SIAE: variants seen among roughly 807,000 people sequenced by gnomAD.
SIAE encodes the protein sialate O-acetylesterase.
In SIAE, 39 loss-of-function variants were observed where a neutral mutation model predicts 52.6. The ratio of observed to expected loss-of-function variants is 0.74; its 90% CI spans 0.57 to 0.97. The LOEUF is 0.97. Ranked by LOEUF, SIAE falls within the 50% of genes least tolerant of loss-of-function variation. The pLI is 0.00. For missense variants in SIAE, 592 were observed against 662.1 expected (o/e 0.89, Z 1.16); for synonymous variants, 233 against 241.4 (o/e 0.97, Z 0.32).
chr11:124,650,398 G>C (rs1943000924), intron 4 of SIAE, among the ~76,000 whole-genome samples: 1 of 152,104 alleles, frequency 6.6e-6, no homozygotes, highest in Non-Finnish European at 1.5e-5. Flanking sequence ...CTCTGTGGAA[G>C]GGAAAAAGCA....
intron 2 of SIAE, among the ~76,000 whole-genome samples, chr11:124,665,499 G>T (rs1272849794): frequency 6.6e-6 from 1 of 152,204 alleles, no homozygotes; most frequent in African/African-American, 2.4e-5. Context: ...AGGTGGGAAC[G>T]CAGCCTGGCC....
intron 7 of SIAE, among the ~76,000 whole-genome samples, chr11:124,642,739 G>A (rs78597028): frequency 3.9e-5 from 6 of 152,234 alleles, no homozygotes; most frequent in African/African-American, 1.2e-4. Flanking sequence ...TATGGCAAAA[G>A]TGAAGGGATT....
intron 7 of SIAE, among the ~76,000 whole-genome samples, chr11:124,640,104 CTG>C (rs1591383425): frequency 1.3e-5 from 2 of 152,318 alleles, no homozygotes; most frequent in East Asian, 3.9e-4. Flanking sequence ...GCAGCGGGGT[CTG>C]TTTCTCTTCC....
At chr11:124,653,032 T>C (rs1478074951) in intron 4 of SIAE, among the ~76,000 whole-genome samples, 2 of 152,250 alleles carry the variant, frequency 1.3e-5, no homozygotes, top group African/African-American at 4.8e-5. Context: ...GAGTTTTGGA[T>C]ACCATGTAGT....
chr11:124,657,879 T>G lies in SIAE; in HGVS notation c.405+2749A>C, dbSNP rs200858649. ...AAAGAGATTGCAGGAAGATTTTCATTTAAATGACATTTGGTTTCCCTGCTG... is the reference window on the plus strand; with the variant it reads ...AAAGAGATTGCAGGAAGATTTTCATGTAAATGACATTTGGTTTCCCTGCTG... On this transcript the variant is annotated intron_variant, in intron 3 of 9. Coordinates refer to ENST00000263593, the MANE Select transcript of SIAE (RefSeq NM_170601.5). 6.6e-5 allele frequency among the ~76,000 whole-genome samples: 10 copies of G among 152,346 alleles called. No homozygotes were observed. In the East Asian group the frequency reaches 7.7e-4, roughly 12 times the overall value.
At chr11:124,652,073 T>C (rs1428595052) in intron 4 of SIAE, among the ~76,000 whole-genome samples, 1 of 151,984 alleles carries the variant, frequency 6.6e-6, no homozygotes, top group African/African-American at 2.4e-5. Context: ...GCAGAGATTA[T>C]AAAAGAGAAC....
At chr11:124,662,086 T>C (rs910129163) in intron 2 of SIAE, among the ~76,000 whole-genome samples, 1 of 152,252 alleles carries the variant, frequency 6.6e-6, no homozygotes, top group African/African-American at 2.4e-5. Context: ...CTTGCTCCTC[T>C]TAAAAGCATA....
chr11:124,635,651 T>C lies in SIAE; in HGVS notation c.*1300A>G, dbSNP rs1022138410. On this transcript the variant is annotated 3_prime_UTR_variant, in exon 10 of 10. Transcript: ENST00000263593. ...TATTTTTTACACTACGTAAAATACATTGTATATGTACAGTGAGTGATGCTT... is the reference window on the plus strand; with the variant it reads ...TATTTTTTACACTACGTAAAATACACTGTATATGTACAGTGAGTGATGCTT... 1.3e-5 allele frequency: 2 copies of C among 152,232 alleles called. No homozygotes were observed. The highest frequency in any genetic ancestry group is 2.9e-5 in the Non-Finnish European group (2 of 68,048). The allele number at this position is 152,232 out of a possible 1,614,324, so 9.4% of individuals were successfully genotyped here.
upstream of SIAE, chr11:124,674,347 C>A (rs1456512720): frequency 6.6e-6 from 1 of 152,200 alleles, no homozygotes; most frequent in Non-Finnish European, 1.5e-5. Context: ...AGGCCAGAGA[C>A]CCCCTCTCAA....
At chr11:124,675,503 CT>C (rs1318698236), upstream of SIAE, 2 of 1,448,898 alleles carry the variant, frequency 1.4e-6, no homozygotes, top group African/African-American at 1.4e-5. Flanking sequence ...CATCTCCATT[CT>C]GCAGAAAGCC....
At chr11:124,655,365 C>G (rs888579720) in intron 3 of SIAE, among the ~76,000 whole-genome samples, 4 of 152,110 alleles carry the variant, frequency 2.6e-5, no homozygotes, top group Non-Finnish European at 5.9e-5. Context: ...TTAGTAGAGA[C>G]GGGGTTTCAC....
At chr11:124,660,491 G>T in intron 3 of SIAE, 137 bp downstream of exon 3, 1 of 813,738 alleles carries the variant, frequency 1.2e-6, no homozygotes, top group Non-Finnish European at 2.1e-6. Flanking sequence ...TTCATTCAAA[G>T]CATTTAGAAC....
rs769393723 is a variant in SIAE at position 124,673,676 on chromosome 11, C to T, written c.33G>A (p.Val11=). The T allele has an allele frequency of 1.2e-6, 2 of 1,613,562 alleles. No individual in the cohort carries two copies. The highest frequency in any genetic ancestry group is 1.1e-5 in the South Asian group (1 of 91,068). The change falls in exon 1 of 10, where the codon GTG becomes GTA. Residue 11 remains valine, a synonymous_variant. Transcript: ENST00000263593. The stretch of plus-strand genomic sequence containing the variant: ...TGTCGGCCCACAGGATTAATGGCAG[C>T]ACCAGCCCGAGTACAAGCCCCGGCG... The part of the protein sequence containing the change: MVAPGLVLGL[V]LPLILWADRS...
intron 2 of SIAE, among the ~76,000 whole-genome samples, 197 bp from the exon 3 acceptor site, chr11:124,661,000 C>T (rs1727499901): frequency 6.6e-6 from 1 of 152,180 alleles, no homozygotes; most frequent in African/African-American, 2.4e-5. Context: ...ACCAATCCCT[C>T]CTTACTTTTA....
chr11:124,659,279 A>G (rs1471115180), intron 3 of SIAE: 1 of 152,236 alleles, frequency 6.6e-6, no homozygotes, highest in Non-Finnish European at 1.5e-5. Context: ...CAATTACAGC[A>G]TTAAGAAAAA....
chr11:124,637,235 G>C, intron 9 of SIAE, 33 bp from the exon 10 acceptor site: 1 of 1,613,708 alleles, frequency 6.2e-7, no homozygotes, highest in East Asian at 2.2e-5. Context: ...GGAATGATTA[G>C]GTCAGAAGGG....
At chr11:124,642,843 C>T (rs534701952) in intron 7 of SIAE, among the ~76,000 whole-genome samples, 2 of 152,154 alleles carry the variant, frequency 1.3e-5, no homozygotes, top group African/African-American at 2.4e-5. Context: ...CAGGTGAGTC[C>T]TTTCAAAGAG....
chr11:124,675,570 C>T (rs1943451874), upstream of SIAE: 4 of 723,376 alleles, frequency 5.5e-6, no homozygotes, highest in South Asian at 8.1e-5. Flanking sequence ...ACAGTATGTA[C>T]CTCTTTGATA....
In SIAE at chr11:124,660,739, C is replaced by T. The variant is rs1267429462; in HGVS notation, c.294G>A (p.Met98Ile). Residue 98 changes from methionine (M) to isoleucine (I), a missense_variant, in exon 3 of 10, where the codon ATG becomes ATA. Physicochemically the swap from Met to Ile is conservative, Grantham distance 10. Transcript: ENST00000263593. ...PMKPGGPFEV[M>I]AQQTLEKINF... ...TTATTTTCTCCAAAGTCTGTTGTGC[C>T]ATCACTTCGAAAGGTCCTCCAGGCT... The T allele has an allele frequency of 1.9e-6, 3 of 1,614,222 alleles. No homozygotes were observed. Among genetic ancestry groups the T allele is most frequent in the African/African-American group, 1.3e-5 (1 of 75,064 alleles).
Sources: gnomAD v4.1 joint callset for allele counts (sites outside exome capture counted in the v4.1 genomes callset) on GRCh38, gnomAD v4.1.1 for gene constraint, MANE v1.5 for transcripts, NCBI Gene and HGNC (gene_info 2026-07-23, HGNC 2026-07-21) for gene names.